Variants in TMEM117 observed in about 807,000 individuals in gnomAD.
The protein encoded by TMEM117 is transmembrane protein 117.
A neutral mutation model predicts 52.4 loss-of-function variants in TMEM117; 27 were observed. That is an observed-to-expected ratio of 0.51 (90% CI 0.38 to 0.71). The LOEUF is 0.71. Ranked by LOEUF, TMEM117 falls within the 30% of genes least tolerant of loss-of-function variation. The pLI is 0.00. For missense variants in TMEM117, 556 were observed against 630.5 expected, an observed-to-expected ratio of 0.88 and a Z score of 1.26; for synonymous variants, 215 against 206.3, an observed-to-expected ratio of 1.04 and a Z score of -0.36.
intron 3 of TMEM117, among the ~76,000 whole-genome samples, chr12:44,020,834 T>G (rs1181570909): frequency 2.6e-5 from 4 of 152,086 alleles, no homozygotes; most frequent in African/African-American, 9.7e-5. Flanking sequence ...TACATAGAAA[T>G]GGCAAAATCC....
intron 3 of TMEM117, among the ~76,000 whole-genome samples, chr12:44,114,384 T>C (rs1280144846): frequency 6.6e-6 from 1 of 152,178 alleles, no homozygotes; most frequent in African/African-American, 2.4e-5. Context: ...AGATATACAG[T>C]AAAATTAAGG....
intron 2 of TMEM117, among the ~76,000 whole-genome samples, chr12:43,858,958 G>T (rs1943443152): frequency 6.6e-6 from 1 of 152,116 alleles, no homozygotes; most frequent in African/African-American, 2.4e-5. Flanking sequence ...GGAGTGGAAG[G>T]GACAGTCTCT....
intron 2 of TMEM117, among the ~76,000 whole-genome samples, chr12:43,893,378 T>C (rs887607724): frequency 6.6e-6 from 1 of 152,206 alleles, no homozygotes; most frequent in African/African-American, 2.4e-5. Flanking sequence ...TATGACACTT[T>C]AGTGCTTAAA....
chr12:43,806,215 T>C, the TMEM117 span: 3 of 1,540,180 alleles, frequency 1.9e-6, no homozygotes, highest in African/African-American at 2.8e-5. Context: ...CGCCGGGCGC[T>C]GTTACCTTGG....
At chr12:44,222,422 C>G (rs1162207886) in intron 5 of TMEM117, among the ~76,000 whole-genome samples, 2 of 152,162 alleles carry the variant, frequency 1.3e-5, no homozygotes, top group Non-Finnish European at 2.9e-5. Context: ...TTTACAAATG[C>G]CCTAGACTGT....
rs115618400 is a variant in TMEM117, at chr12:44,265,052, C to G, written c.609-34528C>G. On this transcript the variant is annotated intron_variant, in intron 5 of 7. Transcript: ENST00000266534. ...AGAAACAAGCCAAAGAAAATACCAG[C>G]TTTGAAGATGCTTGTCAAGAAGTAA... 8.3e-3 allele frequency among the ~76,000 whole-genome samples: 1,261 copies of G among 152,220 alleles called. 13 individuals are homozygous for G. The highest frequency in any genetic ancestry group is 0.029 in the African/African-American group (1,201 of 41,538).
chr12:44,041,209 G>A (rs1026609883), intron 3 of TMEM117, among the ~76,000 whole-genome samples: 2 of 150,022 alleles, frequency 1.3e-5, no homozygotes, highest in East Asian at 2.0e-4. Context: ...TCGTCATTTA[G>A]CATTAGGTAT....
chr12:44,210,392 T>C (rs562370055), intron 4 of TMEM117, among the ~76,000 whole-genome samples: 1 of 152,304 alleles, frequency 6.6e-6, no homozygotes, highest in South Asian at 2.1e-4. Flanking sequence ...GCTGAAACCA[T>C]TAATATGTGA....
chr12:43,868,070 A>G (rs1194676759), intron 2 of TMEM117, among the ~76,000 whole-genome samples: 1 of 151,568 alleles, frequency 6.6e-6, no homozygotes, highest in Non-Finnish European at 1.5e-5. Context: ...ACCACAAAGG[A>G]ATTAAATTAG....
Position 44,117,825 on chromosome 12 carries a change from C to G in TMEM117, c.411-25700C>G, listed in dbSNP as rs867072159. Among the ~76,000 whole-genome samples the G allele has an allele frequency of 2.3e-4, 35 of 151,902 alleles. No homozygotes were observed. The Middle Eastern group carries it at 0.02, about 89-fold the overall frequency. On this transcript the variant is annotated intron_variant, in intron 3 of 7. Coordinates refer to ENST00000266534, the MANE Select transcript of TMEM117 (RefSeq NM_032256.3). Reference sequence around the variant, plus strand: ...TATTATTTGACTCTCCTTTAAGTACCTCCTGCTTCTTTGAGTAAGGAGATC... The same window carrying G: ...TATTATTTGACTCTCCTTTAAGTACGTCCTGCTTCTTTGAGTAAGGAGATC...
chr12:44,325,317 G>A (rs1011723238), intron 6 of TMEM117, among the ~76,000 whole-genome samples: 4 of 152,106 alleles, frequency 2.6e-5, no homozygotes, highest in Admixed American at 2.0e-4. Context: ...CTAAGTGGGG[G>A]CAGACATTGG....
At chr12:43,826,330 T>G in the TMEM117 span, among the ~76,000 whole-genome samples, 4 of 152,258 alleles carry the variant, frequency 2.6e-5, no homozygotes, top group Non-Finnish European at 5.9e-5. Context: ...ATTAACTTAA[T>G]CTTTTCTTGA....
At chr12:44,190,498 G>T (rs1592593558) in intron 4 of TMEM117, among the ~76,000 whole-genome samples, 1 of 152,186 alleles carries the variant, frequency 6.6e-6, no homozygotes, top group East Asian at 1.9e-4. Context: ...TTGCTGACTT[G>T]TAGTTGCTAC....
At chr12:43,870,599 T>C (rs778482755) in intron 2 of TMEM117, among the ~76,000 whole-genome samples, 1 of 152,208 alleles carries the variant, frequency 6.6e-6, no homozygotes, top group Non-Finnish European at 1.5e-5. Flanking sequence ...TATATTCTTT[T>C]GGGTATATAC....
intron 3 of TMEM117, among the ~76,000 whole-genome samples, chr12:44,035,963 A>G (rs938305414): frequency 5.9e-5 from 9 of 152,188 alleles, no homozygotes; most frequent in South Asian, 2.1e-4. Context: ...GTTTTATGAC[A>G]TGATAGAAGG....
chr12:44,105,407 A>C (rs1380376046), intron 3 of TMEM117, among the ~76,000 whole-genome samples: 2 of 152,020 alleles, frequency 1.3e-5, no homozygotes, highest in Non-Finnish European at 2.9e-5. Context: ...TATTAATCAA[A>C]GTTCTTAAAG....
intron 5 of TMEM117, among the ~76,000 whole-genome samples, chr12:44,289,468 A>G (rs1487016215): frequency 1.3e-5 from 2 of 151,492 alleles, no homozygotes; most frequent in Non-Finnish European, 2.9e-5. Context: ...GAACCTCCTT[A>G]CTGTTTGCCA....
At chr12:43,876,505 ATCT>A (rs1190329699) in intron 2 of TMEM117, among the ~76,000 whole-genome samples, 1 of 152,166 alleles carries the variant, frequency 6.6e-6, no homozygotes, top group Non-Finnish European at 1.5e-5. Flanking sequence ...TTGCTCAGTA[ATCT>A]TGGACAATTT....
At chr12:43,923,404 G>C (rs540457648) in intron 2 of TMEM117, among the ~76,000 whole-genome samples, 2 of 152,212 alleles carry the variant, frequency 1.3e-5, no homozygotes, top group East Asian at 3.9e-4. Flanking sequence ...GGTGGCATCT[G>C]GTCACACATT....
Sources: allele counts gnomAD v4.1 joint callset (sites outside exome capture counted in the v4.1 genomes callset), GRCh38; gene constraint gnomAD v4.1.1; transcripts MANE v1.5; gene names NCBI Gene and HGNC (gene_info 2026-07-23, HGNC 2026-07-21).